Variants in CSAG1 observed in about 807,000 individuals in gnomAD.
CSAG1 encodes the protein chondrosarcoma-associated gene 1 protein.
A neutral mutation model predicts 4.8 loss-of-function variants in CSAG1; 4 were observed. That is an observed-to-expected ratio of 0.83 (90% confidence interval 0.41 to 1.90). The LOEUF is 1.90. Ranked by LOEUF, CSAG1 falls within the 40% of genes most tolerant of loss-of-function variation. The pLI is 0.03. For missense variants in CSAG1, 69 were observed against 59.5 expected (o/e 1.16, Z -0.53); for synonymous variants, 21 against 23.1 (o/e 0.91, Z 0.26).
At chrX:152,729,971 G>A (rs1556228851) in intron 2 of CSAG1, among the ~76,000 whole-genome samples, 1 of 60,120 alleles carries the variant, frequency 1.7e-5, no homozygotes, top group African/African-American at 5.9e-5. Context: ...CATCCAAAAT[G>A]TATTTCATTT....
chrX:152,732,612 T>A, intron 1 of CSAG1, 108 bp from the exon 2 acceptor site: 1 of 958,805 alleles, frequency 1.0e-6, no homozygotes, highest in Non-Finnish European at 1.5e-6. Context: ...CTTGTTGAGC[T>A]GGTACTTGTG....
chrX:152,732,565 C>G, intron 1 of CSAG1, 61 bp from the exon 2 acceptor site: 1 of 1,167,419 alleles, frequency 8.6e-7, no homozygotes, highest in East Asian at 3.0e-5. Flanking sequence ...AAAATCTACA[C>G]AACAAAACAG....
chrX:152,727,565 G>T lies in CSAG1; in HGVS notation c.*229C>A, dbSNP rs1236372155. ...GTAAAACGTACTCTACACCCTGTTG[G>T]CTATTTATCTGGGGTTAGACTTCTG... On this transcript the variant is annotated 3_prime_UTR_variant, in exon 4 of 4. Coordinates refer to ENST00000452779, the MANE Select transcript of CSAG1 (RefSeq NM_001102576.3). The T allele has an allele frequency of 2.2e-6, 1 of 458,418 alleles. No individual in the cohort carries two copies. Among genetic ancestry groups the T allele is most frequent in the Non-Finnish European group, 3.9e-6 (1 of 258,865 alleles). 37.8% of individuals were successfully genotyped at this position (458,418 alleles called of 1,213,427 possible).
At position 152,729,992 on chromosome X, in the gene CSAG1, T is replaced by TTATATATATATA. The variant is rs61137896; in HGVS notation, c.17-1780_17-1769dup. Among the ~76,000 whole-genome samples, 416 of 64,565 alleles carry TTATATATATATA rather than the reference T, an allele frequency of 6.4e-3. 19 individuals carry two copies. The highest frequency in any genetic ancestry group is 0.019 in the African/African-American group (335 of 17,551). The allele number at this position is 64,565 out of a possible 115,157, so 56.1% of individuals were successfully genotyped here. A position where few individuals can be genotyped will look rare whatever the true frequency, so the allele number is the denominator to read the frequency against. On this transcript the variant is annotated intron_variant, in intron 2 of 3. Transcript: ENST00000452779. ...AAATGTATTTCATTTGGTGAATGGA[T>TTATATATATATA]TATATATATATATATATACACACAT... is the stretch of plus-strand genomic sequence containing the variant.
intron 2 of CSAG1, among the ~76,000 whole-genome samples, chrX:152,729,612 C>A (rs1394677444): frequency 8.9e-6 from 1 of 111,798 alleles, no homozygotes; most frequent in Non-Finnish European, 1.9e-5. Context: ...ATGTACTAAG[C>A]GTGTTTTGTC....
At chrX:152,731,656 A>G (rs1175427312) in intron 2 of CSAG1, among the ~76,000 whole-genome samples, 3 of 110,807 alleles carry the variant, frequency 2.7e-5, no homozygotes, top group Non-Finnish European at 1.9e-5. Flanking sequence ...TAAATACCTT[A>G]CCTAAATTAG....
chrX:152,732,374 T>C (rs1224003230), intron 2 of CSAG1, 71 bp downstream of exon 2: 1 of 1,146,753 alleles, frequency 8.7e-7, no homozygotes, highest in African/African-American at 1.8e-5. Flanking sequence ...GTATAACATA[T>C]TCATTCATGG....
At chrX:152,733,427 G>C (rs1428076593) in intron 1 of CSAG1, among the ~76,000 whole-genome samples, 1 of 111,194 alleles carries the variant, frequency 9.0e-6, no homozygotes, top group African/African-American at 3.3e-5. Context: ...ATGTCACCCC[G>C]ACCACACCCC....
intron 1 of CSAG1, chrX:152,733,351 C>G (rs1228805286): frequency 8.9e-6 from 1 of 112,303 alleles, no homozygotes; most frequent in Non-Finnish European, 1.9e-5. Flanking sequence ...TCCACCCTCC[C>G]CCACGTAGTG....
chrX:152,730,906 G>A (rs185917302), intron 2 of CSAG1, among the ~76,000 whole-genome samples: 6 of 112,148 alleles, frequency 5.4e-5, no homozygotes, highest in Admixed American at 4.7e-4. Flanking sequence ...ATCATATTTG[G>A]GTACTTCATC....
At chrX:152,730,992 A>C (rs1481345779) in intron 2 of CSAG1, among the ~76,000 whole-genome samples, 1 of 112,581 alleles carries the variant, frequency 8.9e-6, no homozygotes, top group African/African-American at 3.2e-5. Flanking sequence ...ATAATCATTT[A>C]TTTAATTTTT....
In CSAG1 at chrX:152,728,427, A is replaced by T. The variant is rs1263915857; in HGVS notation, c.17-203T>A. The stretch of plus-strand genomic sequence containing the variant: ...ACAGCAACATCTAGACTACTGTTTG[A>T]CCACACAGCTGAGCAGTATAGCCTA... On this transcript the variant is annotated intron_variant, in intron 2 of 3. Coordinates refer to ENST00000452779, the MANE Select transcript of CSAG1 (RefSeq NM_001102576.3). Among the ~76,000 whole-genome samples the T allele has an allele frequency of 8.0e-5, 9 of 112,406 alleles. No homozygotes were observed. The East Asian group carries it at 2.2e-3, about 28-fold the overall frequency.
chrX:152,727,935 G>A, intron 3 of CSAG1, 72 bp from the exon 4 acceptor site: 1 of 1,194,651 alleles, frequency 8.4e-7, no homozygotes, highest in African/African-American at 1.7e-5. Flanking sequence ...GTGAGAACAG[G>A]GGTTTCATAG....
At chrX:152,729,706 A>G (rs183308609) in intron 2 of CSAG1, among the ~76,000 whole-genome samples, 2 of 111,131 alleles carry the variant, frequency 1.8e-5, no homozygotes, top group East Asian at 5.7e-4. Context: ...AACAAAGCAA[A>G]CAAAACCAAG....
intron 2 of CSAG1, 148 bp from the exon 3 acceptor site, chrX:152,728,372 A>G (rs1382367680): frequency 1.7e-5 from 10 of 578,973 alleles, no homozygotes; most frequent in Non-Finnish European, 2.9e-5. Flanking sequence ...AACTGATTGT[A>G]AATGTTGATC....
At chrX:152,731,605 A>G (rs1452756438) in intron 2 of CSAG1, among the ~76,000 whole-genome samples, 2 of 111,682 alleles carry the variant, frequency 1.8e-5, no homozygotes, top group Admixed American at 9.5e-5. Context: ...TCCCTCCCCG[A>G]TGGAAAAAGA....
At chrX:152,729,497 T>C (rs1932106378) in intron 2 of CSAG1, among the ~76,000 whole-genome samples, 1 of 112,261 alleles carries the variant, frequency 8.9e-6, no homozygotes, top group African/African-American at 3.2e-5. Context: ...CTCTACAATA[T>C]ATGCGAATTC....
chrX:152,728,160 C>G lies in CSAG1; in HGVS notation c.81G>C (p.Leu27=). 1 of 1,211,298 alleles carries G rather than the reference C, an allele frequency of 8.3e-7. No homozygotes were observed. Among genetic ancestry groups the G allele is most frequent in the Non-Finnish European group, 1.1e-6 (1 of 895,288 alleles). ...ARGDQVDWSR[L]YRDTGLVKMS... The stretch of plus-strand genomic sequence containing the variant: ...TCTTCACCAGACCAGTGTCTCTGTA[C>G]AGTCTACTCCAGTCCACCTGGTCTC... The change falls in exon 3 of 4, where the codon CTG becomes CTC. Residue 27 remains leucine, a synonymous_variant. Transcript: ENST00000452779.
intron 2 of CSAG1, among the ~76,000 whole-genome samples, chrX:152,730,133 A>T (rs1192831181): frequency 1.8e-5 from 2 of 109,000 alleles, no homozygotes; most frequent in African/African-American, 6.7e-5. Flanking sequence ...CATTATGCTA[A>T]ACGAGTCTAA....
Sources: allele counts gnomAD v4.1 joint callset (sites outside exome capture counted in the v4.1 genomes callset), GRCh38; gene constraint gnomAD v4.1.1; transcripts MANE v1.5; gene names NCBI Gene and HGNC (gene_info 2026-07-23, HGNC 2026-07-21).